The following OVCH2 variants were observed in gnomAD, a reference collection of about 807,000 sequenced individuals.
The protein encoded by OVCH2 is ovochymase-2.
OVCH2 carries 88 observed loss-of-function variants against 73.7 expected under a neutral mutation model. The observed-to-expected ratio is 1.19, with a 90% CI of 1.01 to 1.43. The LOEUF is 1.43. OVCH2 is among the 40% of genes most tolerant of loss of function. The pLI is 0.00. For missense variants in OVCH2, 706 were observed against 674.5 expected, an observed-to-expected ratio of 1.05 and a Z score of -0.52; for synonymous variants, 265 against 234.5, an observed-to-expected ratio of 1.13 and a Z score of -1.19.
chr11:7,699,026 G>T, intron 7 of OVCH2: 1 of 432,818 alleles, frequency 2.3e-6, no homozygotes, highest in Non-Finnish European at 4.2e-6. Context: ...CACAGAGGAA[G>T]GGGTCATTTT....
At chr11:7,692,856 T>C (rs1282378301) in intron 12 of OVCH2, among the ~76,000 whole-genome samples, 3 of 152,236 alleles carry the variant, frequency 2.0e-5, no homozygotes, top group East Asian at 3.8e-4. Flanking sequence ...GTTTCTATAA[T>C]TGTGATGCTT....
intron 10 of OVCH2, among the ~76,000 whole-genome samples, chr11:7,696,229 T>C (rs1237696928): frequency 6.6e-6 from 1 of 152,120 alleles, no homozygotes; most frequent in Non-Finnish European, 1.5e-5. Context: ...GTCTGGCAAA[T>C]GGGCCTAGGA....
chr11:7,692,862 T>C (rs1348215971), intron 12 of OVCH2, among the ~76,000 whole-genome samples: 1 of 152,272 alleles, frequency 6.6e-6, no homozygotes, highest in East Asian at 1.9e-4. Flanking sequence ...ATAATTGTGA[T>C]GCTTATTGGC....
At chr11:7,695,348 G>T (rs530340662) in intron 11 of OVCH2, among the ~76,000 whole-genome samples, 160 bp from the exon 12 acceptor site, 43 of 152,288 alleles carry the variant, frequency 2.8e-4, no homozygotes, top group African/African-American at 9.6e-4. Flanking sequence ...AACTCATCAG[G>T]CCCTCTCGAC....
In OVCH2 at chr11:7,701,799, C is replaced by G; in HGVS notation, c.476G>C (p.Gly159Ala). The change falls in exon 5 of 16, where the codon GGG (glycine) becomes GCG (alanine). Residue 159 changes from glycine (G) to alanine (A), a missense_variant. Transcript: ENST00000533663. ...CCGCAGCTCTGGAAGACATATGGGCCCCACAAAGTGGCCTGAAGAAAAGAG... is the reference window on the plus strand; with the variant it reads ...CCGCAGCTCTGGAAGACATATGGGCGCCACAAAGTGGCCTGAAGAAAAGAG... ...AGAFQFGHFV[G>A]PICLPELREQ... 6.2e-7 allele frequency: 1 copy of G among 1,610,914 alleles called. No homozygotes were observed. The highest frequency in any genetic ancestry group is 8.5e-7 in the Non-Finnish European group (1 of 1,178,840).
the OVCH2 span, among the ~76,000 whole-genome samples, chr11:7,684,109 C>A: frequency 6.6e-6 from 1 of 151,930 alleles, no homozygotes; most frequent in African/African-American, 2.4e-5. Flanking sequence ...TTTCTTACTG[C>A]AGAATCCTTT....
At chr11:7,695,761 C>G in intron 10 of OVCH2, 51 bp from the exon 11 acceptor site, 1 of 1,558,296 alleles carries the variant, frequency 6.4e-7, no homozygotes, top group Non-Finnish European at 8.7e-7. Context: ...AAAATAGTTC[C>G]CATTCAATGA....
intron 14 of OVCH2, 103 bp from the exon 15 acceptor site, chr11:7,690,116 A>C (rs1231061428): frequency 7.3e-6 from 6 of 823,466 alleles, no homozygotes; most frequent in Non-Finnish European, 9.7e-6. Flanking sequence ...ATTCTGGGGC[A>C]CCTCAGCCAG....
the OVCH2 span, among the ~76,000 whole-genome samples, chr11:7,679,749 G>A: frequency 2.0e-5 from 3 of 152,190 alleles, no homozygotes; most frequent in African/African-American, 7.2e-5. Flanking sequence ...CAGAAAGTTG[G>A]ATGGAACCTT....
At chr11:7,696,665 C>G (rs371882223) in intron 9 of OVCH2, 44 bp downstream of exon 9, 1 of 1,613,744 alleles carries the variant, frequency 6.2e-7, no homozygotes, top group African/African-American at 1.3e-5. Context: ...GGGCCCAGAC[C>G]GGAGGTGGGA....
chr11:7,700,219 T>A (rs1439518110), intron 7 of OVCH2, 77 bp downstream of exon 7: 39 of 1,425,154 alleles, frequency 2.7e-5, no homozygotes, highest in Non-Finnish European at 3.6e-5. Context: ...GTGCTCTGAT[T>A]TGCCAGGACT....
chr11:7,689,978 CA>C lies in OVCH2; in HGVS notation c.1674del (p.Asp558GlufsTer25). 1 of 1,527,022 alleles carries C rather than the reference CA, an allele frequency of 6.5e-7. No individual in the cohort carries two copies. Among genetic ancestry groups the C allele is most frequent in the Non-Finnish European group, 8.8e-7 (1 of 1,138,728 alleles). 94.6% of individuals were successfully genotyped at this position (1,527,022 alleles called of 1,614,324 possible). On this transcript the variant is annotated frameshift_variant, in exon 15 of 16. Transcript: ENST00000533663. LOFTEE classifies it high-confidence loss of function. ...YPDLNISISE[D>X]ESMFLET The stretch of plus-strand genomic sequence containing the variant: ...TCTCATGTCTCCAGAAACATTGATT[CA>C]TCCTCTGATATGGAGATGTTTAAAT...
At chr11:7,688,234 A>G (rs1055412024), downstream of OVCH2, among the ~76,000 whole-genome samples, 1 of 151,776 alleles carries the variant, frequency 6.6e-6, no homozygotes, top group Non-Finnish European at 1.5e-5. Context: ...TTTATCTGCT[A>G]CCTCCCAGAC....
chr11:7,705,813 G>T (rs1271148484), intron 1 of OVCH2, among the ~76,000 whole-genome samples: 1 of 152,114 alleles, frequency 6.6e-6, no homozygotes, highest in Non-Finnish European at 1.5e-5. Context: ...TGATTCTCAG[G>T]GTTGGCACAA....
intron 15 of OVCH2, 34 bp downstream of exon 15, chr11:7,689,890 C>G (rs1481115159): frequency 1.7e-5 from 21 of 1,238,510 alleles, no homozygotes; most frequent in Non-Finnish European, 2.4e-5. Flanking sequence ...GGATTATACT[C>G]TGTGTGTATC....
the OVCH2 span, among the ~76,000 whole-genome samples, chr11:7,680,975 A>G: frequency 4.8e-3 from 724 of 152,236 alleles, 2 homozygotes; most frequent in African/African-American, 0.017. Flanking sequence ...CTCTTTTCCA[A>G]TGTGCCCCCT....
chr11:7,705,214 C>T (rs1188593472), intron 1 of OVCH2: 1 of 152,350 alleles, frequency 6.6e-6, no homozygotes, highest in Admixed American at 6.5e-5. Flanking sequence ...TCACCTCAAC[C>T]AGGAAGTCTT....
the OVCH2 span, among the ~76,000 whole-genome samples, chr11:7,680,079 A>C: frequency 0.4 from 61,538 of 152,142 alleles, 15,360 homozygotes; most frequent in African/African-American, 0.71. Context: ...TCCCTGAATT[A>C]TATGAGCAAC....
the OVCH2 span, among the ~76,000 whole-genome samples, chr11:7,681,442 G>C: frequency 6.6e-6 from 1 of 152,152 alleles, no homozygotes; most frequent in Non-Finnish European, 1.5e-5. Flanking sequence ...GGGCATGATA[G>C]ACTGTATAAA....
Sources: gnomAD v4.1 joint callset for allele counts (sites outside exome capture counted in the v4.1 genomes callset) on GRCh38, gnomAD v4.1.1 for gene constraint, MANE v1.5 for transcripts, NCBI Gene and HGNC (gene_info 2026-07-23, HGNC 2026-07-21) for gene names.